SUGCT: variants seen among roughly 807,000 people sequenced by gnomAD.
SUGCT encodes the protein succinyl-CoA:glutarate-CoA transferase.
SUGCT carries 41 observed loss-of-function variants against 55.0 expected under a neutral mutation model. The ratio of observed to expected loss-of-function variants is 0.74; its 90% CI spans 0.58 to 0.97. SUGCT has a LOEUF of 0.97. Among genes scored for constraint, SUGCT ranks in the 50% least tolerant of loss-of-function variants. The probability of loss-of-function intolerance (pLI) is 0.00; values close to 1 mark genes in which losing one functional copy is unlikely to be tolerated. For missense variants in SUGCT, 568 were observed against 547.8 expected (o/e 1.04, Z -0.37); for synonymous variants, 187 against 200.4 (o/e 0.93, Z 0.56).
At chr7:40,630,341 C>T (rs1173222925) in intron 12 of SUGCT, among the ~76,000 whole-genome samples, 1 of 152,172 alleles carries the variant, frequency 6.6e-6, no homozygotes, top group African/African-American at 2.4e-5. Flanking sequence ...GGGTCCTTTT[C>T]TTCTTCATCC....
chr7:40,190,335 C>G (rs1233867613), intron 5 of SUGCT, among the ~76,000 whole-genome samples: 1 of 152,012 alleles, frequency 6.6e-6, no homozygotes, highest in Non-Finnish European at 1.5e-5. Flanking sequence ...CTGCAACCTC[C>G]ACCTCCTGGG....
At chr7:40,601,609 A>G (rs1798289033) in intron 12 of SUGCT, among the ~76,000 whole-genome samples, 1 of 152,224 alleles carries the variant, frequency 6.6e-6, no homozygotes, top group Non-Finnish European at 1.5e-5. Flanking sequence ...TGACAACAGC[A>G]GCTCTGCATG....
At chr7:40,420,315 G>A (rs1193410213) in intron 9 of SUGCT, among the ~76,000 whole-genome samples, 4 of 151,772 alleles carry the variant, frequency 2.6e-5, no homozygotes, top group Admixed American at 6.6e-5. Context: ...TTAAGGAAGA[G>A]TATGTAGTTT....
chr7:40,367,421 A>T (rs1419965971), intron 9 of SUGCT, among the ~76,000 whole-genome samples: 1 of 144,870 alleles, frequency 6.9e-6, no homozygotes, highest in Non-Finnish European at 1.5e-5. Flanking sequence ...TATAATAATA[A>T]TAAAATAAAT....
the SUGCT span, among the ~76,000 whole-genome samples, chr7:41,004,866 C>G: frequency 5.3e-5 from 8 of 152,110 alleles, no homozygotes; most frequent in Admixed American, 5.2e-4. Context: ...TGATCCCTTC[C>G]CCTGGGAAGA....
chr7:40,631,226 T>C (rs1799773610), intron 12 of SUGCT, among the ~76,000 whole-genome samples: 1 of 152,348 alleles, frequency 6.6e-6, no homozygotes, highest in Middle Eastern at 3.4e-3. Context: ...GATTCTGTTT[T>C]TTTTTCAGCA....
chr7:40,592,843 A>T (rs1260309215), intron 12 of SUGCT, among the ~76,000 whole-genome samples: 1 of 152,198 alleles, frequency 6.6e-6, no homozygotes, highest in Non-Finnish European at 1.5e-5. Flanking sequence ...TCCCATCTCT[A>T]GGTCTTGGGT....
At chr7:40,966,689 C>T in the SUGCT span, 7 of 152,156 alleles carry the variant, frequency 4.6e-5, no homozygotes, top group Admixed American at 6.5e-5. Flanking sequence ...AATATCAAGC[C>T]GTCTGTTGTC....
intron 7 of SUGCT, among the ~76,000 whole-genome samples, chr7:40,249,313 C>CTATCTATATCTATATATATATATCTATA (rs1324264789): frequency 3.2e-3 from 256 of 79,452 alleles, no homozygotes; most frequent in Admixed American, 6.2e-3. Flanking sequence ...CACCAAAAAG[C>CTATCTATATCTATATATATATATCTATA]TATATATATA....
chr7:40,506,642 T>C (rs539625628), intron 12 of SUGCT, among the ~76,000 whole-genome samples: 132 of 152,296 alleles, frequency 8.7e-4, no homozygotes, highest in Non-Finnish European at 1.4e-3. Context: ...TCTTCTTTCT[T>C]CTAGTACTTC....
chr7:40,249,344 T>TATATAA (rs1172651937), intron 7 of SUGCT, among the ~76,000 whole-genome samples: 6 of 128,154 alleles, frequency 4.7e-5, no homozygotes, highest in Non-Finnish European at 7.9e-5. Context: ...TATATATATA[T>TATATAA]ATAATTATAT....
chr7:40,359,989 G>T (rs1219990786), intron 9 of SUGCT, among the ~76,000 whole-genome samples: 1 of 152,072 alleles, frequency 6.6e-6, no homozygotes, highest in Admixed American at 6.6e-5. Flanking sequence ...CCACTGCATA[G>T]CCCATGAGTC....
the SUGCT span, among the ~76,000 whole-genome samples, chr7:40,953,654 T>C: frequency 6.6e-6 from 1 of 150,470 alleles, no homozygotes; most frequent in Admixed American, 6.6e-5. Flanking sequence ...TTCTGTTTGT[T>C]AGTTTTCCCT....
intron 12 of SUGCT, among the ~76,000 whole-genome samples, chr7:40,587,286 G>A (rs1224329860): frequency 6.6e-6 from 1 of 152,136 alleles, no homozygotes; most frequent in Non-Finnish European, 1.5e-5. Context: ...GAATTTTACT[G>A]TATATAAATT....
At chr7:40,183,171 G>T (rs1785314150) in intron 3 of SUGCT, among the ~76,000 whole-genome samples, 1 of 152,158 alleles carries the variant, frequency 6.6e-6, no homozygotes, top group Admixed American at 6.5e-5. Context: ...TACTTGGGAG[G>T]CTGAGGCAGA....
chr7:41,003,464 G>A, the SUGCT span, among the ~76,000 whole-genome samples: 10 of 152,290 alleles, frequency 6.6e-5, no homozygotes, highest in East Asian at 3.9e-4. Flanking sequence ...ATAGGCAGGC[G>A]ACAAGGGCCA....
chr7:40,553,280 T>G (rs775954198), intron 12 of SUGCT, among the ~76,000 whole-genome samples: 2 of 152,156 alleles, frequency 1.3e-5, no homozygotes, highest in Non-Finnish European at 2.9e-5. Flanking sequence ...TCCTAGGAAT[T>G]AACTAAGGGT....
chr7:40,966,113 A>C, the SUGCT span: 5 of 152,242 alleles, frequency 3.3e-5, no homozygotes, highest in Non-Finnish European at 7.3e-5. Flanking sequence ...AGTAAGACAA[A>C]GGTTGAACAT....
intron 1 of SUGCT, chr7:40,154,106 T>A: frequency 4.4e-6 from 1 of 229,714 alleles, no homozygotes. Flanking sequence ...AATGTACACC[T>A]CAAGCTTTTG....
Sources: gnomAD v4.1 joint callset for allele counts (sites outside exome capture counted in the v4.1 genomes callset) on GRCh38, gnomAD v4.1.1 for gene constraint, MANE v1.5 for transcripts, NCBI Gene and HGNC (gene_info 2026-07-23, HGNC 2026-07-21) for gene names.